Variants in MRPS6 observed in about 807,000 individuals in gnomAD.
MRPS6 encodes small ribosomal subunit protein bS6m.
In MRPS6, 6 loss-of-function variants were observed where a neutral mutation model predicts 13.1. That is an observed-to-expected ratio of 0.46 (90% CI 0.25 to 0.91). The LOEUF (loss-of-function observed/expected upper bound fraction) is 0.91, where lower values mean the gene tolerates loss of function less well. Ranked by LOEUF, MRPS6 falls within the 40% of genes least tolerant of loss-of-function variation. The pLI is 0.18. For missense variants in MRPS6, 164 were observed against 155.6 expected, an observed-to-expected ratio of 1.05 and a Z score of -0.29; for synonymous variants, 61 against 56.5, an observed-to-expected ratio of 1.08 and a Z score of -0.36.
At chr21:34,101,485 G>A (rs1979235112) in intron 1 of MRPS6, 1 of 1,000,090 alleles carries the variant, frequency 1.0e-6, no homozygotes, top group East Asian at 1.1e-4. Context: ...ATAATAGCCT[G>A]AGCAGACTTC....
intron 1 of MRPS6, chr21:34,101,385 A>G: frequency 1.0e-6 from 1 of 1,000,142 alleles, no homozygotes; most frequent in East Asian, 1.1e-4. Flanking sequence ...CACAGTAGAG[A>G]TAATTTAGTA....
chr21:34,106,181 G>A (rs1979467418), intron 1 of MRPS6: 1 of 984,330 alleles, frequency 1.0e-6, no homozygotes, highest in South Asian at 4.8e-5. Context: ...GTGGTATTTT[G>A]TCCTGTAACT....
intron 1 of MRPS6, among the ~76,000 whole-genome samples, chr21:34,078,268 C>T (rs1209383681): frequency 2.6e-5 from 4 of 152,026 alleles, no homozygotes. Context: ...GAAGACTTGA[C>T]CCTGTGAACA....
intron 2 of MRPS6, among the ~76,000 whole-genome samples, chr21:34,127,529 T>C (rs1453552702): frequency 6.6e-6 from 1 of 152,218 alleles, no homozygotes; most frequent in Non-Finnish European, 1.5e-5. Context: ...TATGCTACAT[T>C]TTATTTCTAT....
chr21:34,083,318 G>C (rs998602752), intron 1 of MRPS6, among the ~76,000 whole-genome samples: 6 of 152,198 alleles, frequency 3.9e-5, no homozygotes, highest in African/African-American at 1.2e-4. Flanking sequence ...GAAAGGTGCA[G>C]AATCAGTGTA....
intron 1 of MRPS6, among the ~76,000 whole-genome samples, chr21:34,087,054 C>T (rs928992970): frequency 6.6e-5 from 10 of 152,272 alleles, no homozygotes; most frequent in Middle Eastern, 3.4e-3. Flanking sequence ...GGAGTTAGCA[C>T]AGTGAAGGGA....
chr21:34,080,635 A>G (rs16991171), intron 1 of MRPS6, among the ~76,000 whole-genome samples: 1,759 of 152,350 alleles, frequency 0.012, 38 homozygotes, highest in South Asian at 0.081. Flanking sequence ...CATGAATCTC[A>G]TCACGTCTCC....
intron 1 of MRPS6, among the ~76,000 whole-genome samples, chr21:34,094,241 C>T (rs933888263): frequency 6.6e-6 from 1 of 152,128 alleles, no homozygotes; most frequent in African/African-American, 2.4e-5. Flanking sequence ...CAGGGGGCGT[C>T]TCACAAGATC....
In MRPS6 at chr21:34,096,466, T is replaced by C; in HGVS notation, c.45+22721T>C. On this transcript the variant is annotated intron_variant, in intron 1 of 2. Coordinates refer to ENST00000399312, the MANE Select transcript of MRPS6 (RefSeq NM_032476.4). This position sits in a 1 kb window ranked among gnomAD's most constrained non-coding sequence, Gnocchi z 5.9. ...GTGGCATTTATGGTGGTGATCAGCATAGCATGGGTGCCAATCATCGTGGAG... is the reference window on the plus strand; with the variant it reads ...GTGGCATTTATGGTGGTGATCAGCACAGCATGGGTGCCAATCATCGTGGAG... 1 of 1,614,194 alleles carries C rather than the reference T, an allele frequency of 6.2e-7. No homozygotes were observed. The highest frequency in any genetic ancestry group is 8.5e-7 in the Non-Finnish European group (1 of 1,180,022).
intron 1 of MRPS6, among the ~76,000 whole-genome samples, chr21:34,121,561 T>C (rs1569423076): frequency 6.6e-6 from 1 of 152,108 alleles, no homozygotes; most frequent in South Asian, 2.1e-4. Flanking sequence ...GTGTGTTTCA[T>C]TGATGCATTT....
At chr21:34,084,801 T>A (rs188205227) in intron 1 of MRPS6, among the ~76,000 whole-genome samples, 1 of 152,202 alleles carries the variant, frequency 6.6e-6, no homozygotes, top group Admixed American at 6.5e-5. Context: ...ATCTTAAAAT[T>A]TTTTTCATTA....
At chr21:34,106,904 G>A (rs1267203863) in intron 1 of MRPS6, among the ~76,000 whole-genome samples, 1 of 151,892 alleles carries the variant, frequency 6.6e-6, no homozygotes, top group Non-Finnish European at 1.5e-5. Flanking sequence ...CTACTTCTTG[G>A]ATTTTGTCTT....
At chr21:34,133,670 A>G (rs919880843) in intron 2 of MRPS6, among the ~76,000 whole-genome samples, 1 of 152,208 alleles carries the variant, frequency 6.6e-6, no homozygotes, top group African/African-American at 2.4e-5. Flanking sequence ...CTTGATGGCC[A>G]GAGCATGTCA....
intron 1 of MRPS6, chr21:34,098,686 G>T: frequency 1.0e-6 from 1 of 1,000,160 alleles, no homozygotes; most frequent in East Asian, 1.1e-4. Flanking sequence ...TGTGTCTTGT[G>T]GAGGGTATTA....
At chr21:34,142,276 TTATG>T in intron 2 of MRPS6, 128 bp from the exon 3 acceptor site, 1 of 935,304 alleles carries the variant, frequency 1.1e-6, no homozygotes. Flanking sequence ...TTTGACAAGG[TTATG>T]TGTGTGTATG....
intron 1 of MRPS6, chr21:34,102,432 T>C (rs1979283946): frequency 1.0e-6 from 1 of 999,964 alleles, no homozygotes; most frequent in African/African-American, 1.7e-5. Flanking sequence ...TTTTTTGTTT[T>C]GGGGTAAGCA....
intron 1 of MRPS6, chr21:34,095,076 C>T (rs1191131276): frequency 8.6e-7 from 1 of 1,159,252 alleles, no homozygotes; most frequent in Non-Finnish European, 1.2e-6. Context: ...GACTTTGACC[C>T]TGCTGTGTTG....
chr21:34,101,145 G>GT, intron 1 of MRPS6: 1 of 1,000,096 alleles, frequency 1.0e-6, no homozygotes, highest in Non-Finnish European at 1.2e-6. Context: ...AAATGATTAA[G>GT]TGAGATAAGT....
At chr21:34,098,643 G>A in intron 1 of MRPS6, 1 of 1,000,294 alleles carries the variant, frequency 1.0e-6, no homozygotes, top group Non-Finnish European at 1.2e-6. Flanking sequence ...GCATGTTTGA[G>A]AGGTGCCAAA....
Sources: gnomAD v4.1 joint callset for allele counts (sites outside exome capture counted in the v4.1 genomes callset) on GRCh38, gnomAD v4.1.1 for gene constraint, Gnocchi (gnomAD v3.1) non-coding constraint, MANE v1.5 for transcripts, NCBI Gene and HGNC (gene_info 2026-07-23, HGNC 2026-07-21) for gene names.